Variants in AHI1 observed in about 807,000 individuals in gnomAD.
AHI1 encodes jouberin.
Under a neutral mutation model 149.3 loss-of-function variants are expected in AHI1, and 123 were observed. The ratio of observed to expected loss-of-function variants is 0.82; its 90% CI spans 0.71 to 0.96. The LOEUF is 0.96. AHI1 is among the 40% of genes least tolerant of loss of function. AHI1 has a pLI of 0.00. For missense variants in AHI1, 1,439 were observed against 1,422.7 expected, an observed-to-expected ratio of 1.01 and a Z score of -0.18; for synonymous variants, 475 against 459.8, an observed-to-expected ratio of 1.03 and a Z score of -0.42.
At chr6:135,465,776 T>C (rs754457433) in intron 7 of AHI1, 38 bp downstream of exon 7, 1 of 1,417,848 alleles carries the variant, frequency 7.1e-7, no homozygotes, top group South Asian at 1.7e-5. Context: ...ACAGTGTTTT[T>C]CTAAGAGGAT....
intron 11 of AHI1, among the ~76,000 whole-genome samples, chr6:135,451,653 A>G (rs1012897305): frequency 6.6e-6 from 1 of 152,208 alleles, no homozygotes; most frequent in Non-Finnish European, 1.5e-5. Context: ...TGCCAATGGC[A>G]TAAGATGAAT....
chr6:135,303,452 T>C (rs983425039), intron 26 of AHI1, among the ~76,000 whole-genome samples: 1 of 152,086 alleles, frequency 6.6e-6, no homozygotes, highest in Non-Finnish European at 1.5e-5. Context: ...AAAAAAAGGA[T>C]GTGAGAGAGG....
At chr6:135,295,666 C>T (rs1782991558) in intron 27 of AHI1, among the ~76,000 whole-genome samples, 1 of 152,048 alleles carries the variant, frequency 6.6e-6, no homozygotes, top group Non-Finnish European at 1.5e-5. Flanking sequence ...AAACTCTAGA[C>T]AGTGAGAGAA....
chr6:135,433,288 C>T, intron 15 of AHI1, 32 bp from the exon 16 acceptor site: 1 of 1,476,472 alleles, frequency 6.8e-7, no homozygotes, highest in African/African-American at 1.4e-5. Flanking sequence ...CATATTGCTT[C>T]TGAAAAGCAG....
chr6:135,490,215 T>G, intron 5 of AHI1: 1 of 724,890 alleles, frequency 1.4e-6, no homozygotes, highest in South Asian at 1.5e-5. Context: ...GGCCATTGAT[T>G]TCTCCTGGTT....
chr6:135,329,230 T>C (rs143833414), intron 24 of AHI1, among the ~76,000 whole-genome samples: 47 of 152,320 alleles, frequency 3.1e-4, no homozygotes, highest in Non-Finnish European at 5.9e-4. Context: ...AACAGACTTA[T>C]ATTGGAAGAA....
At chr6:135,455,443 A>G (rs1788779619) in intron 10 of AHI1, among the ~76,000 whole-genome samples, 1 of 152,236 alleles carries the variant, frequency 6.6e-6, no homozygotes, top group African/African-American at 2.4e-5. Context: ...ATGCATTCAT[A>G]TCGAGTGGAT....
At chr6:135,411,308 G>C in intron 21 of AHI1, 40 bp downstream of exon 21, 1 of 1,536,392 alleles carries the variant, frequency 6.5e-7, no homozygotes, top group Non-Finnish European at 9.0e-7. Flanking sequence ...AAACAGGATA[G>C]AAATAGTTTT....
chr6:135,493,697 G>C (rs1795566886), intron 3 of AHI1, among the ~76,000 whole-genome samples: 1 of 152,090 alleles, frequency 6.6e-6, no homozygotes, highest in African/African-American at 2.4e-5. Context: ...ACTACTCGAT[G>C]GTCATCTAAT....
At position 135,284,852 on chromosome 6, in the gene AHI1, T is replaced by A. The variant is rs191324834; in HGVS notation, c.*793A>T. The A allele has an allele frequency of 6.6e-6, 1 of 152,306 alleles. No individual in the cohort carries two copies. Among genetic ancestry groups the A allele is most frequent in the East Asian group, 1.9e-4 (1 of 5,182 alleles). 9.4% of individuals were successfully genotyped at this position (152,306 alleles called of 1,614,324 possible). A position where few individuals can be genotyped will look rare whatever the true frequency, so the allele number is the denominator to read the frequency against. On this transcript the variant is annotated 3_prime_UTR_variant, in exon 29 of 29. Coordinates refer to ENST00000265602, the MANE Select transcript of AHI1 (RefSeq NM_001134831.2). Reference sequence around the variant, plus strand: ...TAATGTCTTTGTTACTGAGACTGTTTTGAATGCGCCATATTCTAAAGCTGC... The same window carrying A: ...TAATGTCTTTGTTACTGAGACTGTTATGAATGCGCCATATTCTAAAGCTGC...
intron 12 of AHI1, among the ~76,000 whole-genome samples, chr6:135,447,484 A>G (rs1787425287): frequency 6.6e-6 from 1 of 152,144 alleles, no homozygotes; most frequent in Non-Finnish European, 1.5e-5. Flanking sequence ...CTGATATACT[A>G]TCATATCTCT....
chr6:135,291,703 CTG>C (rs2128340499), intron 27 of AHI1, among the ~76,000 whole-genome samples: 1 of 152,050 alleles, frequency 6.6e-6, no homozygotes, highest in South Asian at 2.1e-4. Context: ...AGTCAGATGA[CTG>C]AGAATGAAAA....
At chr6:135,448,946 C>A (rs1583285424) in intron 11 of AHI1, among the ~76,000 whole-genome samples, 1 of 152,054 alleles carries the variant, frequency 6.6e-6, no homozygotes, top group Non-Finnish European at 1.5e-5. Context: ...CTCATTCAAG[C>A]CATTCGTTAC....
At chr6:135,488,246 T>C (rs947469172) in intron 5 of AHI1, among the ~76,000 whole-genome samples, 1 of 152,186 alleles carries the variant, frequency 6.6e-6, no homozygotes, top group Non-Finnish European at 1.5e-5. Context: ...ATCATGCTCA[T>C]TATTGTTTCT....
chr6:135,413,649 TG>T (rs1781926747), intron 20 of AHI1, among the ~76,000 whole-genome samples: 1 of 152,062 alleles, frequency 6.6e-6, no homozygotes, highest in Non-Finnish European at 1.5e-5. Context: ...GCACTAGAAT[TG>T]ACTTTAGCAA....
chr6:135,355,918 C>T (rs1201064364), intron 24 of AHI1, among the ~76,000 whole-genome samples: 1 of 151,862 alleles, frequency 6.6e-6, no homozygotes, highest in East Asian at 1.9e-4. Flanking sequence ...AACAAACAAA[C>T]AAACAAACAT....
chr6:135,490,234 T>G (rs756719237), intron 5 of AHI1: 13 of 722,894 alleles, frequency 1.8e-5, no homozygotes, highest in African/African-American at 1.7e-4. Context: ...TTCTGTTGGG[T>G]AGAATCACAC....
chr6:135,340,526 AGAAAAACAGAAGTCCTTCGGACTGAAAT>A (rs1459205486), intron 24 of AHI1, among the ~76,000 whole-genome samples: 1 of 151,552 alleles, frequency 6.6e-6, no homozygotes, highest in Non-Finnish European at 1.5e-5. Context: ...CTGCCCTTCA[AGAAAAACAGAAGTCCTTCGGACTGAAAT>A]GAAAGAGCAC....
At chr6:135,464,952 T>C (rs1316817292) in intron 7 of AHI1, among the ~76,000 whole-genome samples, 2 of 152,192 alleles carry the variant, frequency 1.3e-5, no homozygotes, top group Non-Finnish European at 2.9e-5. Flanking sequence ...TGTCTTAAGC[T>C]GCTAAATTCT....
Sources: allele counts gnomAD v4.1 joint callset (sites outside exome capture counted in the v4.1 genomes callset), GRCh38; gene constraint gnomAD v4.1.1; transcripts MANE v1.5; gene names NCBI Gene and HGNC (gene_info 2026-07-23, HGNC 2026-07-21).